The following NEK11 variants were observed in gnomAD, a reference collection of about 807,000 sequenced individuals.
The protein encoded by NEK11 is serine/threonine-protein kinase Nek11.
Under a neutral mutation model 80.7 loss-of-function variants are expected in NEK11, and 72 were observed. The ratio of observed to expected loss-of-function variants is 0.89; its 90% CI spans 0.74 to 1.08. The LOEUF (loss-of-function observed/expected upper bound fraction) is 1.08, where lower values mean the gene tolerates loss of function less well. NEK11 is among the 50% of genes least tolerant of loss of function. The pLI, the probability that NEK11 is intolerant of heterozygous loss-of-function variation, is 0.00. For missense variants in NEK11, 764 were observed against 763.6 expected (o/e 1.00, Z -0.01); for synonymous variants, 251 against 260.7 (o/e 0.96, Z 0.36).
rs537582655 is a variant in NEK11 at position 131,303,426 on chromosome 3, C to T, written c.1718+29852C>T. Reference sequence around the variant, plus strand: ...TTGTGTAGTTGTTTTATAGTGTCAACGGTCTATGTATTTAAGTGTGCTTTT... The same window carrying T: ...TTGTGTAGTTGTTTTATAGTGTCAATGGTCTATGTATTTAAGTGTGCTTTT... On this transcript the variant is annotated intron_variant, in intron 17 of 17. Transcript: ENST00000383366. Among the ~76,000 whole-genome samples, 31 of 152,226 alleles carry T rather than the reference C, an allele frequency of 2.0e-4. No homozygotes were observed. The South Asian group carries it at 5.8e-3, about 29-fold the overall frequency.
rs1202612320 is a variant in NEK11 at position 131,155,025 on chromosome 3, C to CT, written c.877-4dup. ...GCCTTTAAGATATGTCAGGGTTGAT[C>CT]TTTTTTTCAGAACCTAATGTGTAGA... is the stretch of plus-strand genomic sequence containing the variant. On this transcript the variant is annotated splice_polypyrimidine_tract_variant and intron_variant, in intron 9 of 17. Transcript: ENST00000383366. The CT allele has an allele frequency of 1.0e-5, 16 of 1,557,202 alleles. No individual in the cohort carries two copies. The highest frequency in any genetic ancestry group is 2.2e-5 in the East Asian group (1 of 44,630).
intron 7 of NEK11, among the ~76,000 whole-genome samples, chr3:131,146,939 T>G (rs1321038647): frequency 6.6e-6 from 1 of 152,150 alleles, no homozygotes; most frequent in Non-Finnish European, 1.5e-5. Context: ...ATTTTGGTAG[T>G]CTGATGAATA....
Position 131,269,421 on chromosome 3 carries a change from G to A in NEK11, c.1622-4057G>A, listed in dbSNP as rs948668867. ...CATAGGCACCCGAGGGAATCTCCTG[G>A]TCTGTGGGTTGCAAAGACCATGGGA... On this transcript the variant is annotated intron_variant, in intron 16 of 17. Transcript: ENST00000383366. Among the ~76,000 whole-genome samples, 13 of 152,326 alleles carry A rather than the reference G, an allele frequency of 8.5e-5. No individual in the cohort carries two copies. The East Asian group carries it at 2.5e-3, about 29-fold the overall frequency.
chr3:131,072,002 CT>C (rs1419326767), intron 3 of NEK11, among the ~76,000 whole-genome samples: 1 of 152,170 alleles, frequency 6.6e-6, no homozygotes, highest in African/African-American at 2.4e-5. Context: ...GGAATATTTA[CT>C]GTACTACATT....
At chr3:131,311,517 T>A (rs2096782294) in intron 17 of NEK11, among the ~76,000 whole-genome samples, 1 of 152,242 alleles carries the variant, frequency 6.6e-6, no homozygotes, top group Non-Finnish European at 1.5e-5. Context: ...TCCTGCTCCA[T>A]TAAATGTAAA....
chr3:131,229,981 G>A (rs923629624), intron 15 of NEK11, among the ~76,000 whole-genome samples: 2 of 151,918 alleles, frequency 1.3e-5, no homozygotes, highest in Non-Finnish European at 2.9e-5. Flanking sequence ...ACCACAAATC[G>A]AAAATATAAT....
intron 11 of NEK11, among the ~76,000 whole-genome samples, chr3:131,162,897 C>T (rs967769442): frequency 6.6e-6 from 1 of 152,168 alleles, no homozygotes; most frequent in African/African-American, 2.4e-5. Flanking sequence ...TACCTTCTAC[C>T]AGGAGACCTC....
At chr3:131,251,014 A>G (rs2095690497) in intron 16 of NEK11, among the ~76,000 whole-genome samples, 1 of 151,900 alleles carries the variant, frequency 6.6e-6, no homozygotes, top group Non-Finnish European at 1.5e-5. Flanking sequence ...GGAAAGATGG[A>G]GGGAAGAAAA....
rs746606946 is a variant in NEK11, at chr3:131,219,663, G to T, written c.1400-8865G>T. Among the ~76,000 whole-genome samples, 12 of 152,206 alleles carry T rather than the reference G, an allele frequency of 7.9e-5. No homozygotes were observed. The South Asian group carries it at 2.3e-3, about 29-fold the overall frequency. ...AGCAAGAGGGAAGCCAAGGAGAAAGGCCTCAGAGGAATCCAACCCTGCTGG... is the reference window on the plus strand; with the variant it reads ...AGCAAGAGGGAAGCCAAGGAGAAAGTCCTCAGAGGAATCCAACCCTGCTGG... On this transcript the variant is annotated intron_variant, in intron 14 of 17. Coordinates refer to ENST00000383366, the MANE Select transcript of NEK11 (RefSeq NM_024800.5).
At chr3:131,059,374 A>T (rs1418116217) in intron 3 of NEK11, among the ~76,000 whole-genome samples, 2 of 152,184 alleles carry the variant, frequency 1.3e-5, no homozygotes, top group African/African-American at 4.8e-5. Context: ...AAATATGTAC[A>T]TTAATTTTTG....
chr3:131,139,420 A>G (rs921454319), intron 7 of NEK11, among the ~76,000 whole-genome samples: 2 of 151,990 alleles, frequency 1.3e-5, no homozygotes, highest in Admixed American at 1.3e-4. Flanking sequence ...AGGCAAGTCT[A>G]AGAGTTATTG....
intron 16 of NEK11, among the ~76,000 whole-genome samples, chr3:131,249,325 T>A (rs2108254312): frequency 6.6e-6 from 1 of 152,160 alleles, no homozygotes; most frequent in South Asian, 2.1e-4. Flanking sequence ...CTACAGAATC[T>A]CATAAATGCT....
chr3:131,239,733 T>C (rs2108036443), intron 15 of NEK11, among the ~76,000 whole-genome samples: 1 of 152,292 alleles, frequency 6.6e-6, no homozygotes, highest in South Asian at 2.1e-4. Flanking sequence ...CATCTAAAGA[T>C]AGATATGCAA....
intron 7 of NEK11, among the ~76,000 whole-genome samples, chr3:131,151,323 T>C (rs2089598941): frequency 6.6e-6 from 1 of 152,042 alleles, no homozygotes; most frequent in African/African-American, 2.4e-5. Flanking sequence ...CTTTGTAAAA[T>C]GTAAAGTACC....
At chr3:131,110,022 A>C (rs2079837348) in intron 5 of NEK11, 101 bp downstream of exon 5, 1 of 1,257,520 alleles carries the variant, frequency 8.0e-7, no homozygotes, top group East Asian at 2.6e-5. Context: ...AAACAAGTTC[A>C]AAAGGTATAT....
At chr3:131,136,094 A>G (rs1309146461) in intron 7 of NEK11, among the ~76,000 whole-genome samples, 2 of 152,072 alleles carry the variant, frequency 1.3e-5, no homozygotes, top group Non-Finnish European at 2.9e-5. Context: ...AAAATATACA[A>G]AGCAGAAGGA....
At chr3:131,090,355 A>T (rs911050453) in intron 4 of NEK11, among the ~76,000 whole-genome samples, 6 of 152,234 alleles carry the variant, frequency 3.9e-5, no homozygotes, top group Non-Finnish European at 5.9e-5. Flanking sequence ...CTTTTATTGC[A>T]ACCTTCAAGG....
intron 3 of NEK11, among the ~76,000 whole-genome samples, chr3:131,047,176 T>C (rs1182100093): frequency 6.6e-6 from 1 of 152,192 alleles, no homozygotes; most frequent in Non-Finnish European, 1.5e-5. Flanking sequence ...TTTTTTCTTT[T>C]CATATCTTGT....
At chr3:131,116,355 T>A (rs1298961461) in intron 5 of NEK11, among the ~76,000 whole-genome samples, 1 of 152,210 alleles carries the variant, frequency 6.6e-6, no homozygotes, top group African/African-American at 2.4e-5. Flanking sequence ...TGTGCCACAT[T>A]TTCTTAATCC....
Sources: gnomAD v4.1 joint callset for allele counts (sites outside exome capture counted in the v4.1 genomes callset) on GRCh38, gnomAD v4.1.1 for gene constraint, MANE v1.5 for transcripts, NCBI Gene and HGNC (gene_info 2026-07-23, HGNC 2026-07-21) for gene names.